GNPTAB: variants seen among roughly 807,000 people sequenced by gnomAD.
GNPTAB encodes N-acetylglucosamine-1-phosphate transferase subunits alpha and beta.
GNPTAB carries 92 observed loss-of-function variants against 136.6 expected under a neutral mutation model. The ratio of observed to expected loss-of-function variants is 0.67; its 90% CI spans 0.57 to 0.80. GNPTAB has a LOEUF of 0.80. Among genes scored for constraint, GNPTAB ranks in the 30% least tolerant of loss-of-function variants. GNPTAB has a pLI of 0.00. For missense variants in GNPTAB, 1,343 were observed against 1,501.8 expected, an observed-to-expected ratio of 0.89 and a Z score of 1.75; for synonymous variants, 512 against 535.1, an observed-to-expected ratio of 0.96 and a Z score of 0.60.
At chr12:101,779,937 C>T (rs943295622) in intron 7 of GNPTAB, 1 of 587,416 alleles carries the variant, frequency 1.7e-6, no homozygotes, top group African/African-American at 1.9e-5. Flanking sequence ...ACAAATGAGT[C>T]CTTCTCTATC....
At chr12:101,785,904 A>G in intron 5 of GNPTAB, 108 bp downstream of exon 5, 2 of 903,020 alleles carry the variant, frequency 2.2e-6, no homozygotes, top group African/African-American at 3.4e-5. Context: ...CATTTTTAGA[A>G]AAGTTTATCA....
At chr12:101,824,081 A>C (rs1428378369) in intron 1 of GNPTAB, among the ~76,000 whole-genome samples, 1 of 152,056 alleles carries the variant, frequency 6.6e-6, no homozygotes, top group East Asian at 1.9e-4. Context: ...TTCAGTTGAG[A>C]CTGACAGCCC....
intron 1 of GNPTAB, among the ~76,000 whole-genome samples, chr12:101,828,070 T>C (rs1038691980): frequency 6.6e-6 from 1 of 152,224 alleles, no homozygotes; most frequent in African/African-American, 2.4e-5. Context: ...TTGGTAATAT[T>C]AACTATATGA....
chr12:101,805,215 T>C (rs572452873), intron 1 of GNPTAB, among the ~76,000 whole-genome samples: 2 of 152,348 alleles, frequency 1.3e-5, no homozygotes, highest in East Asian at 3.9e-4. Flanking sequence ...TAAAAAAGTT[T>C]ACTGAAATGA....
intron 1 of GNPTAB, among the ~76,000 whole-genome samples, chr12:101,818,337 G>A (rs1870611189): frequency 6.6e-6 from 1 of 150,614 alleles, no homozygotes; most frequent in African/African-American, 2.4e-5. Flanking sequence ...TGGACTATGA[G>A]TTCCTCCAGA....
At chr12:101,788,024 G>A (rs1004771837) in intron 4 of GNPTAB, among the ~76,000 whole-genome samples, 1 of 151,970 alleles carries the variant, frequency 6.6e-6, no homozygotes, top group Non-Finnish European at 1.5e-5. Context: ...AATTAACAGA[G>A]ATTGCTTGTC....
At chr12:101,789,909 T>C in intron 3 of GNPTAB, 29 bp downstream of exon 3, 1 of 1,608,664 alleles carries the variant, frequency 6.2e-7, no homozygotes, top group African/African-American at 1.3e-5. Flanking sequence ...ACATTACCCA[T>C]CTGATGTGAA....
chr12:101,764,870 C>T lies in GNPTAB; in HGVS notation c.2047G>A (p.Val683Ile). 6.2e-7 allele frequency: 1 copy of T among 1,614,194 alleles called. No homozygotes were observed. Among genetic ancestry groups the T allele is most frequent in the Non-Finnish European group, 8.5e-7 (1 of 1,180,032 alleles). The change falls in exon 13 of 21, where the codon GTT becomes ATT. Residue 683 changes from valine (V) to isoleucine (I), a missense_variant. Val to Ile is a conservative substitution (Grantham distance 29). Coordinates refer to ENST00000299314, the MANE Select transcript of GNPTAB (RefSeq NM_024312.5). ...KRFPKFKRHDVNSTRRAQEEV... is the reference protein window; with the variant it reads ...KRFPKFKRHDINSTRRAQEEV... ...TCCTGGGCTCTCCTTGTTGAGTTAA[C>T]ATCATGTCTCTTAAACTTCGGGAAG...
intron 1 of GNPTAB, among the ~76,000 whole-genome samples, chr12:101,817,158 T>C (rs1445468277): frequency 2.6e-5 from 4 of 151,966 alleles, no homozygotes; most frequent in African/African-American, 7.3e-5. Flanking sequence ...TAATTTATTG[T>C]ATATTTCAAA....
At chr12:101,815,557 T>C (rs988983980) in intron 1 of GNPTAB, among the ~76,000 whole-genome samples, 1 of 151,284 alleles carries the variant, frequency 6.6e-6, no homozygotes, top group Non-Finnish European at 1.5e-5. Flanking sequence ...GGCTGCAGTC[T>C]GCTATGATCA....
At chr12:101,767,887 G>T (rs1953117801) in intron 11 of GNPTAB, 150 bp downstream of exon 11, 3 of 910,782 alleles carry the variant, frequency 3.3e-6, no homozygotes, top group Non-Finnish European at 5.2e-6. Flanking sequence ...CAAAGCACTG[G>T]ATTATAAGCA....
At chr12:101,808,143 G>A (rs1261176564) in intron 1 of GNPTAB, among the ~76,000 whole-genome samples, 2 of 152,164 alleles carry the variant, frequency 1.3e-5, no homozygotes, top group Non-Finnish European at 2.9e-5. Flanking sequence ...GAAATTCCAT[G>A]TTCACAGACA....
chr12:101,802,308 T>G (rs1482594710), intron 1 of GNPTAB, among the ~76,000 whole-genome samples: 1 of 152,182 alleles, frequency 6.6e-6, no homozygotes, highest in African/African-American at 2.4e-5. Flanking sequence ...AAATTTCTTT[T>G]GTTCTTTGGA....
intron 2 of GNPTAB, 60 bp downstream of exon 2, chr12:101,796,617 G>C: frequency 1.9e-6 from 2 of 1,055,204 alleles, no homozygotes; most frequent in South Asian, 2.5e-5. Flanking sequence ...TTTACAGGAT[G>C]GCTATTTCAT....
intron 1 of GNPTAB, among the ~76,000 whole-genome samples, chr12:101,826,008 A>G (rs374465381): frequency 4.8e-4 from 73 of 152,328 alleles, no homozygotes; most frequent in Middle Eastern, 3.4e-3. Flanking sequence ...TTTGGCCAAG[A>G]ACACACTCAA....
intron 7 of GNPTAB, among the ~76,000 whole-genome samples, chr12:101,772,370 C>T (rs1953189189): frequency 6.6e-6 from 1 of 152,216 alleles, no homozygotes; most frequent in African/African-American, 2.4e-5. Flanking sequence ...TGCTGCATGA[C>T]TATTCTTAGC....
chr12:101,827,499 G>A (rs1164820958), intron 1 of GNPTAB, among the ~76,000 whole-genome samples: 3 of 152,012 alleles, frequency 2.0e-5, no homozygotes, highest in African/African-American at 7.3e-5. Flanking sequence ...GTCTCCCAAA[G>A]TCCTGGGATT....
At chr12:101,779,959 C>G in intron 7 of GNPTAB, 193 bp downstream of exon 7, 1 of 628,264 alleles carries the variant, frequency 1.6e-6, no homozygotes, top group Non-Finnish European at 2.8e-6. Context: ...AGGAAACAAG[C>G]AAACCAAATA....
chr12:101,812,456 G>A (rs1870287216), intron 1 of GNPTAB, among the ~76,000 whole-genome samples: 1 of 152,046 alleles, frequency 6.6e-6, no homozygotes, highest in Non-Finnish European at 1.5e-5. Context: ...CAAAAAATTA[G>A]CAAAAACCTC....
Sources: gnomAD v4.1 joint callset for allele counts (sites outside exome capture counted in the v4.1 genomes callset) on GRCh38, gnomAD v4.1.1 for gene constraint, MANE v1.5 for transcripts, NCBI Gene and HGNC (gene_info 2026-07-23, HGNC 2026-07-21) for gene names.